Variants in KLHL29 observed in about 807,000 individuals in gnomAD.
KLHL29 encodes the protein kelch-like protein 29.
KLHL29 carries 21 observed loss-of-function variants against 80.4 expected under a neutral mutation model. That is an observed-to-expected ratio of 0.26 (90% confidence interval 0.19 to 0.38). The LOEUF is 0.38. KLHL29 is among the 10% of genes least tolerant of loss of function. The pLI, the probability that KLHL29 is intolerant of heterozygous loss-of-function variation, is 1.00. For synonymous variants in KLHL29, 511 were observed against 526.8 expected (o/e 0.97, Z 0.41); for missense variants, 867 against 1,223.9 (o/e 0.71, Z 4.35).
intron 2 of KLHL29, among the ~76,000 whole-genome samples, chr2:23,542,571 A>G (rs886470475): frequency 4.6e-5 from 7 of 152,210 alleles, no homozygotes; most frequent in Non-Finnish European, 8.8e-5. Flanking sequence ...TGCAAAGCAC[A>G]TGCCATCCTC....
chr2:23,630,674 G>C (rs532305734), intron 3 of KLHL29, among the ~76,000 whole-genome samples: 1 of 152,152 alleles, frequency 6.6e-6, no homozygotes, highest in East Asian at 1.9e-4. Flanking sequence ...TTTTAGTAAA[G>C]ATGGGGTTTC....
rs115874378 is a variant in KLHL29 at position 23,497,938 on chromosome 2, G to A, written c.-46+22271G>A. Among the ~76,000 whole-genome samples, 581 of 152,300 alleles carry A rather than the reference G, an allele frequency of 3.8e-3. 7 individuals are homozygous for A. Among genetic ancestry groups the A allele is most frequent in the African/African-American group, 0.013 (561 of 41,560 alleles). On this transcript the variant is annotated intron_variant, in intron 2 of 13. Coordinates refer to ENST00000486442, the MANE Select transcript of KLHL29 (RefSeq NM_052920.2). ...TCTGTCTGGAACTACGGGAAGGGCT[G>A]ACTCAAGATTTCTGGCCAGAATCCT...
Position 23,693,456 on chromosome 2 carries a change from C to T in KLHL29, c.1470C>T (p.Asn490=), listed in dbSNP as rs920856630. The T allele has an allele frequency of 3.2e-6, 5 of 1,551,630 alleles. No homozygotes were observed. The highest frequency in any genetic ancestry group is 4.4e-6 in the Non-Finnish European group (5 of 1,146,988). ...CCTACGTCTCCAACGACAGCCTCAA[C>T]ACCAAGGCTGAGGAGCTGGTGTACG... The part of the protein sequence containing the change: ...FIAYVSNDSL[N]TKAEELVYET... The change falls in exon 8 of 14, where the codon AAC becomes AAT. Residue 490 remains asparagine (N), a synonymous_variant. Transcript: ENST00000486442.
At chr2:23,693,637 C>A (rs760439064) in intron 8 of KLHL29, 109 bp downstream of exon 8, 2 of 1,179,432 alleles carry the variant, frequency 1.7e-6, no homozygotes, top group Non-Finnish European at 2.4e-6. Context: ...TCCTGCTCTC[C>A]CTAAGTGGCA....
intron 5 of KLHL29, among the ~76,000 whole-genome samples, chr2:23,664,519 C>G (rs1200336233): frequency 1.3e-5 from 2 of 152,228 alleles, no homozygotes; most frequent in African/African-American, 4.8e-5. Flanking sequence ...TCCTGGGTGA[C>G]CCTGAGCAAG....
intron 1 of KLHL29, among the ~76,000 whole-genome samples, chr2:23,459,467 A>G (rs1284915333): frequency 6.6e-6 from 1 of 152,154 alleles, no homozygotes; most frequent in Non-Finnish European, 1.5e-5. Context: ...GGCCTGGCAA[A>G]ACATCTTCTA....
chr2:23,436,468 T>G (rs59968444), intron 1 of KLHL29, among the ~76,000 whole-genome samples: 76,153 of 150,746 alleles, frequency 0.51, 20,592 homozygotes, highest in African/African-American at 0.71. Context: ...CTGGAAGCCT[T>G]CCTGTGCTTC....
chr2:23,503,609 C>CT lies in KLHL29; in HGVS notation c.-46+27942_-46+27943insT, dbSNP rs1248045079. 6.6e-6 allele frequency among the ~76,000 whole-genome samples: 1 copy of CT among 151,542 alleles called. No individual in the cohort carries two copies. Among genetic ancestry groups the CT allele is most frequent in the Non-Finnish European group, 1.5e-5 (1 of 67,938 alleles). On this transcript the variant is annotated intron_variant, in intron 2 of 13. Coordinates refer to ENST00000486442, the MANE Select transcript of KLHL29 (RefSeq NM_052920.2). This position sits in a 1 kb window ranked among gnomAD's most constrained non-coding sequence, Gnocchi z 4.0. ...CTGCTGCAGCCTCGCTCATCCAGAA[C>CT]AGAGGCACCATGGCCAGGAGGCCCT...
chr2:23,483,136 G>A lies in KLHL29; in HGVS notation c.-46+7469G>A, dbSNP rs545926457. Among the ~76,000 whole-genome samples, 5 of 152,182 alleles carry A rather than the reference G, an allele frequency of 3.3e-5. No individual in the cohort carries two copies. The South Asian group carries it at 6.3e-4, about 19-fold the overall frequency. ...AATGCTAGGCATTGTTGTAGGCACC[G>A]GGGGTATCACAGTGACCATATGAGA... is the stretch of plus-strand genomic sequence containing the variant. On this transcript the variant is annotated intron_variant, in intron 2 of 13. Coordinates refer to ENST00000486442, the MANE Select transcript of KLHL29 (RefSeq NM_052920.2).
At chr2:23,554,035 G>T (rs1277335563) in intron 2 of KLHL29, among the ~76,000 whole-genome samples, 1 of 152,192 alleles carries the variant, frequency 6.6e-6, no homozygotes, top group African/African-American at 2.4e-5. Flanking sequence ...CCAGAAGCAA[G>T]ACTTCTGAGC....
intron 1 of KLHL29, among the ~76,000 whole-genome samples, chr2:23,469,826 T>C (rs1046284069): frequency 6.6e-6 from 1 of 152,062 alleles, no homozygotes; most frequent in Non-Finnish European, 1.5e-5. Flanking sequence ...GTAGGTCCAG[T>C]TGGCACCTTT....
chr2:23,438,535 T>C (rs1443970052), intron 1 of KLHL29, among the ~76,000 whole-genome samples: 1 of 149,574 alleles, frequency 6.7e-6, no homozygotes, highest in African/African-American at 2.5e-5. Context: ...TGTTGAATTT[T>C]GTCAAAGGCC....
intron 2 of KLHL29, among the ~76,000 whole-genome samples, chr2:23,491,890 A>G (rs1464976727): frequency 1.3e-5 from 2 of 152,080 alleles, no homozygotes; most frequent in African/African-American, 4.8e-5. Context: ...CTGAGAGTGC[A>G]TCTCGCCTCC....
rs557933154 is a variant in KLHL29, at chr2:23,529,996, C to T, written c.-45-32156C>T. Among the ~76,000 whole-genome samples the T allele has an allele frequency of 4.0e-5, 6 of 151,562 alleles. No homozygotes were observed. In the South Asian group the frequency reaches 6.2e-4, roughly 16 times the overall value. On this transcript the variant is annotated intron_variant, in intron 2 of 13. Transcript: ENST00000486442. ...ACAGCCATCAGGACCGGCTCAGCTG[C>T]GGCACTTCAGTCCGGCTCTTTCCAT... is the stretch of plus-strand genomic sequence containing the variant.
At chr2:23,461,473 ACTT>A (rs937630493) in intron 1 of KLHL29, among the ~76,000 whole-genome samples, 38 of 152,138 alleles carry the variant, frequency 2.5e-4, no homozygotes, top group Admixed American at 7.9e-4. Context: ...TGAGGTAACC[ACTT>A]CTTGTTGATT....
rs984627166 is a variant in KLHL29, at chr2:23,669,935, G to A, written c.941-14464G>A. 6.6e-6 allele frequency among the ~76,000 whole-genome samples: 1 copy of A among 152,142 alleles called. No individual in the cohort carries two copies. Among genetic ancestry groups the A allele is most frequent in the Non-Finnish European group, 1.5e-5 (1 of 68,040 alleles). Reference sequence around the variant, plus strand: ...TGTCAAGTTAAATACATGTGGGTAGGGACCCAAGCAGAGAGGGGTGTCAGT... The same window carrying A: ...TGTCAAGTTAAATACATGTGGGTAGAGACCCAAGCAGAGAGGGGTGTCAGT... On this transcript the variant is annotated intron_variant, in intron 5 of 13. Coordinates refer to ENST00000486442, the MANE Select transcript of KLHL29 (RefSeq NM_052920.2). The surrounding 1 kb of genome is among the most constrained non-coding windows in gnomAD (Gnocchi z 4.3).
chr2:23,424,709 T>C (rs987037372), intron 1 of KLHL29, among the ~76,000 whole-genome samples: 2 of 152,192 alleles, frequency 1.3e-5, no homozygotes, highest in Admixed American at 1.3e-4. Flanking sequence ...ACAGAGATAA[T>C]TTAACCAGCT....
At chr2:23,418,822 AC>A (rs1279586892) in intron 1 of KLHL29, among the ~76,000 whole-genome samples, 2 of 152,016 alleles carry the variant, frequency 1.3e-5, no homozygotes, top group Non-Finnish European at 2.9e-5. Context: ...AAGAAAGACT[AC>A]AGAGCATTGT....
intron 1 of KLHL29, among the ~76,000 whole-genome samples, chr2:23,474,839 A>C (rs6708065): frequency 0.25 from 37,397 of 151,978 alleles, 4,852 homozygotes; most frequent in East Asian, 0.38. Context: ...TTGGTTTAAA[A>C]AAATATATTG....
Sources: gnomAD v4.1 joint callset for allele counts (sites outside exome capture counted in the v4.1 genomes callset) on GRCh38, gnomAD v4.1.1 for gene constraint, Gnocchi (gnomAD v3.1) non-coding constraint, MANE v1.5 for transcripts, NCBI Gene and HGNC (gene_info 2026-07-23, HGNC 2026-07-21) for gene names.